The following NRXN3 variants were observed in gnomAD, a reference collection of about 807,000 sequenced individuals.
NRXN3 encodes the protein neurexin 3, also known as neurexin III.
A neutral mutation model predicts 137.6 loss-of-function variants in NRXN3; 32 were observed. The ratio of observed to expected loss-of-function variants is 0.23; its 90% CI spans 0.18 to 0.31. The LOEUF (loss-of-function observed/expected upper bound fraction) is 0.31, where lower values mean the gene tolerates loss of function less well. NRXN3 is among the 10% of genes least tolerant of loss of function. NRXN3 has a pLI of 1.00. For synonymous variants in NRXN3, 798 were observed against 784.5 expected, an observed-to-expected ratio of 1.02 and a Z score of -0.29; for missense variants, 1,574 against 2,062.5, an observed-to-expected ratio of 0.76 and a Z score of 4.59.
At chr14:79,441,158 C>A (rs2095935247) in intron 15 of NRXN3, among the ~76,000 whole-genome samples, 2 of 152,016 alleles carry the variant, frequency 1.3e-5, no homozygotes, top group African/African-American at 4.8e-5. Context: ...TTTAAATAAT[C>A]TCATAGGGTT....
At chr14:78,999,515 A>G (rs918531291) in intron 15 of NRXN3, among the ~76,000 whole-genome samples, 9 of 152,188 alleles carry the variant, frequency 5.9e-5, no homozygotes, top group Non-Finnish European at 1.0e-4. Flanking sequence ...AAGAACACTA[A>G]CAGTTTTACT....
chr14:78,173,676 TGGCTCTGC>T (rs1446578875), intron 1 of NRXN3, among the ~76,000 whole-genome samples: 1 of 142,708 alleles, frequency 7.0e-6, no homozygotes, highest in East Asian at 2.1e-4. Context: ...CTGATTTTGA[TGGCTCTGC>T]GGCTCTTTTT....
intron 3 of NRXN3, chr14:78,279,659 G>A (rs2074125650): frequency 6.6e-6 from 1 of 152,166 alleles, no homozygotes; most frequent in African/African-American, 2.4e-5. Flanking sequence ...GTCAGTGGTA[G>A]CACTGGGATT....
chr14:78,669,728 A>G (rs2097918046), intron 6 of NRXN3, among the ~76,000 whole-genome samples: 1 of 152,134 alleles, frequency 6.6e-6, no homozygotes, highest in South Asian at 2.1e-4. Flanking sequence ...TTTAGACCAT[A>G]TAGGGTGTCT....
chr14:78,349,538 A>G lies in NRXN3; in HGVS notation c.757+51678A>G, dbSNP rs139374469. Among the ~76,000 whole-genome samples, 22 of 152,306 alleles carry G rather than the reference A, an allele frequency of 1.4e-4. No homozygotes were observed. The East Asian group carries it at 3.7e-3, about 25-fold the overall frequency. On this transcript the variant is annotated intron_variant, in intron 4 of 20. Transcript: ENST00000335750. ...CATTTTAAAGTAGCTCTCTATCTAA[A>G]TGCTTTAGGATAAATCTGGATTGTG...
At chr14:79,308,771 G>A (rs1317507328) in intron 15 of NRXN3, among the ~76,000 whole-genome samples, 1 of 148,462 alleles carries the variant, frequency 6.7e-6, no homozygotes, top group East Asian at 2.0e-4. Flanking sequence ...GCAATTGAGA[G>A]CAAATTATTA....
At chr14:79,023,047 G>C (rs2099592222) in intron 15 of NRXN3, among the ~76,000 whole-genome samples, 2 of 151,394 alleles carry the variant, frequency 1.3e-5, no homozygotes, top group Non-Finnish European at 2.9e-5. Context: ...CACTTTGGTT[G>C]ATGGAGGGCA....
rs1026397745 is a variant in NRXN3 at position 79,862,931 on chromosome 14, G to A, written c.*967G>A. On this transcript the variant is annotated 3_prime_UTR_variant, in exon 21 of 21. Coordinates refer to ENST00000335750, the MANE Select transcript of NRXN3 (RefSeq NM_001330195.2). ...CACCCAGCCAAATTGTGTTAAAGAGGAAAGCCCCACAAACTAAAACAGCCT... is the reference window on the plus strand; with the variant it reads ...CACCCAGCCAAATTGTGTTAAAGAGAAAAGCCCCACAAACTAAAACAGCCT... The A allele has an allele frequency of 4.6e-5, 7 of 152,396 alleles. No homozygotes were observed. The highest frequency in any genetic ancestry group is 1.7e-4 in the African/African-American group (7 of 41,428). The allele number at this position is 152,396 out of a possible 1,614,324, so 9.4% of individuals were successfully genotyped here.
chr14:79,545,367 C>G (rs2153740947), intron 16 of NRXN3, among the ~76,000 whole-genome samples: 1 of 152,210 alleles, frequency 6.6e-6, no homozygotes. Flanking sequence ...GGGCCCTTTT[C>G]TTATAAATGC....
intron 15 of NRXN3, among the ~76,000 whole-genome samples, chr14:79,340,948 CATGTT>C (rs1429080597): frequency 7.9e-5 from 12 of 152,036 alleles, no homozygotes; most frequent in African/African-American, 2.9e-4. Flanking sequence ...ATTTCAGAGT[CATGTT>C]ATGTAAAAAT....
chr14:78,508,089 G>C (rs757775516), intron 4 of NRXN3, among the ~76,000 whole-genome samples: 1 of 152,120 alleles, frequency 6.6e-6, no homozygotes, highest in African/African-American at 2.4e-5. Flanking sequence ...AAGGTGAATG[G>C]GGATGCATGG....
intron 4 of NRXN3, among the ~76,000 whole-genome samples, chr14:78,540,160 C>T (rs913768813): frequency 4.6e-5 from 7 of 152,198 alleles, no homozygotes; most frequent in Admixed American, 3.9e-4. Context: ...CCTGGATATC[C>T]TTGTTAATCT....
intron 19 of NRXN3, among the ~76,000 whole-genome samples, chr14:79,702,839 C>T (rs573468451): frequency 6.6e-6 from 1 of 151,024 alleles, no homozygotes; most frequent in South Asian, 2.1e-4. Flanking sequence ...TCAGTCTACA[C>T]TCAAATTCGT....
chr14:79,269,072 C>T (rs986680220), intron 15 of NRXN3, among the ~76,000 whole-genome samples: 4 of 98,710 alleles, frequency 4.1e-5, no homozygotes, highest in South Asian at 3.6e-4. Context: ...TTTTTTGAGA[C>T]GGAGTCTCGC....
At chr14:78,176,425 A>C (rs570745800) in intron 1 of NRXN3, among the ~76,000 whole-genome samples, 60 of 151,100 alleles carry the variant, frequency 4.0e-4, no homozygotes, top group African/African-American at 1.4e-3. Context: ...TTAATTCTCC[A>C]AACAACTCAA....
At chr14:78,968,979 A>G (rs1258893432) in intron 14 of NRXN3, among the ~76,000 whole-genome samples, 1 of 152,236 alleles carries the variant, frequency 6.6e-6, no homozygotes, top group Non-Finnish European at 1.5e-5. Flanking sequence ...CTTGTTAGCT[A>G]TGTGACATTT....
chr14:79,214,354 G>T (rs2068162314), intron 15 of NRXN3, among the ~76,000 whole-genome samples: 1 of 152,170 alleles, frequency 6.6e-6, no homozygotes, highest in Non-Finnish European at 1.5e-5. Context: ...CCTTTTTGTT[G>T]ATTCTAAAGT....
intron 15 of NRXN3, among the ~76,000 whole-genome samples, chr14:79,283,742 A>G (rs1266451904): frequency 6.6e-6 from 1 of 151,624 alleles, no homozygotes; most frequent in Admixed American, 6.6e-5. Flanking sequence ...CCCCACTTTC[A>G]TGCTCTCTTC....
intron 4 of NRXN3, among the ~76,000 whole-genome samples, chr14:78,391,983 A>C (rs576353310): frequency 6.6e-6 from 1 of 152,266 alleles, no homozygotes; most frequent in Non-Finnish European, 1.5e-5. Flanking sequence ...GGTTGTGACA[A>C]GTCCTGTGCT....
Sources: allele counts gnomAD v4.1 joint callset (sites outside exome capture counted in the v4.1 genomes callset), GRCh38; gene constraint gnomAD v4.1.1; transcripts MANE v1.5; gene names NCBI Gene and HGNC (gene_info 2026-07-23, HGNC 2026-07-21).